ASAP2: variants seen among roughly 807,000 people sequenced by gnomAD.
The protein encoded by ASAP2 is arf-GAP with SH3 domain, ANK repeat and PH domain-containing protein 2.
ASAP2 carries 45 observed loss-of-function variants against 131.4 expected under a neutral mutation model. The observed-to-expected ratio is 0.34, with a 90% CI of 0.27 to 0.44. The LOEUF is 0.44. ASAP2 is among the 20% of genes least tolerant of loss of function. ASAP2 has a pLI of 1.00. For missense variants in ASAP2, 1,011 were observed against 1,297.0 expected (o/e 0.78, Z 3.39); for synonymous variants, 510 against 503.0 (o/e 1.01, Z -0.19).
intron 9 of ASAP2, among the ~76,000 whole-genome samples, chr2:9,342,227 C>G (rs545988024): frequency 3.3e-5 from 5 of 152,292 alleles, no homozygotes; most frequent in African/African-American, 1.2e-4. Context: ...AAAAGAAGAA[C>G]AAAGTTGGAG....
chr2:9,295,159 C>A (rs561209735), intron 2 of ASAP2, among the ~76,000 whole-genome samples: 40 of 152,268 alleles, frequency 2.6e-4, no homozygotes, highest in African/African-American at 5.1e-4. Flanking sequence ...AAATTAGATA[C>A]TTTTGTTTGA....
At chr2:9,326,102 C>T (rs988240413) in intron 6 of ASAP2, among the ~76,000 whole-genome samples, 1 of 152,206 alleles carries the variant, frequency 6.6e-6, no homozygotes, top group Non-Finnish European at 1.5e-5. Flanking sequence ...GTTAAAAGGC[C>T]GGGCAGGGTG....
chr2:9,281,638 G>A lies in ASAP2; in HGVS notation c.199+2249G>A, dbSNP rs564897159. ...GAAGTTCGTGGAAGTCAGTTCCAGA[G>A]CATGGGAGAGAGAAGGAAGGCCTCT... On this transcript the variant is annotated intron_variant, in intron 2 of 27. Transcript: ENST00000281419. This position sits in a 1 kb window ranked among gnomAD's most constrained non-coding sequence, Gnocchi z 4.0. Among the ~76,000 whole-genome samples the A allele has an allele frequency of 4.6e-5, 7 of 152,324 alleles. No homozygotes were observed. Among genetic ancestry groups the A allele is most frequent in the African/African-American group, 1.7e-4 (7 of 41,574 alleles).
intron 5 of ASAP2, among the ~76,000 whole-genome samples, chr2:9,322,027 T>C (rs1255867153): frequency 2.6e-5 from 4 of 152,228 alleles, no homozygotes; most frequent in Non-Finnish European, 5.9e-5. Flanking sequence ...ATGACCAGTG[T>C]CTGGACGGTC....
intron 16 of ASAP2, among the ~76,000 whole-genome samples, chr2:9,372,661 A>T (rs1262917574): frequency 6.6e-6 from 1 of 152,196 alleles, no homozygotes; most frequent in Non-Finnish European, 1.5e-5. Context: ...GGATAAAGAA[A>T]GATCATAAAA....
intron 1 of ASAP2, among the ~76,000 whole-genome samples, chr2:9,247,955 G>A (rs890222350): frequency 6.6e-6 from 1 of 152,162 alleles, no homozygotes; most frequent in Non-Finnish European, 1.5e-5. Flanking sequence ...GCATAATTAT[G>A]CTCCACTTAT....
At chr2:9,235,664 G>A (rs1235091436) in intron 1 of ASAP2, among the ~76,000 whole-genome samples, 1 of 152,164 alleles carries the variant, frequency 6.6e-6, no homozygotes, top group African/African-American at 2.4e-5. Context: ...TTCAGACCAC[G>A]TCTCGGGGCC....
At chr2:9,367,498 C>T (rs1455561589) in intron 15 of ASAP2, among the ~76,000 whole-genome samples, 2 of 152,174 alleles carry the variant, frequency 1.3e-5, no homozygotes, top group East Asian at 1.9e-4. Flanking sequence ...CAGCGGCTCA[C>T]GCCTGTAATC....
At chr2:9,347,900 C>T (rs1007704838) in intron 11 of ASAP2, among the ~76,000 whole-genome samples, 3 of 152,090 alleles carry the variant, frequency 2.0e-5, no homozygotes, top group Non-Finnish European at 4.4e-5. Context: ...CCTGACAAAT[C>T]GGGAAAAAAT....
chr2:9,354,181 A>G (rs755432456), intron 12 of ASAP2, among the ~76,000 whole-genome samples: 74 of 152,156 alleles, frequency 4.9e-4, no homozygotes, highest in Non-Finnish European at 9.6e-4. Flanking sequence ...AGGTGACCCA[A>G]GTGAGTCCCC....
intron 1 of ASAP2, among the ~76,000 whole-genome samples, chr2:9,214,536 G>T (rs75834907): frequency 2.0e-5 from 3 of 151,812 alleles, no homozygotes; most frequent in Non-Finnish European, 2.9e-5. Context: ...CGCTGCGCCC[G>T]GCTGCCTTTC....
intron 9 of ASAP2, 128 bp from the exon 10 acceptor site, chr2:9,344,404 G>C: frequency 1.4e-6 from 1 of 705,044 alleles, no homozygotes; most frequent in Middle Eastern, 2.5e-4. Context: ...TGTTGAGAAA[G>C]GGAAATTTCT....
At chr2:9,344,416 C>G in intron 9 of ASAP2, 116 bp from the exon 10 acceptor site, 1 of 793,378 alleles carries the variant, frequency 1.3e-6, no homozygotes, top group South Asian at 1.9e-5. Flanking sequence ...GAAATTTCTC[C>G]AATTTTTGTT....
intron 1 of ASAP2, among the ~76,000 whole-genome samples, chr2:9,239,502 G>A (rs1033978990): frequency 2.6e-5 from 4 of 152,110 alleles, no homozygotes; most frequent in African/African-American, 9.7e-5. Flanking sequence ...CTCTTCTGTA[G>A]CCTGAACTCA....
intron 24 of ASAP2, among the ~76,000 whole-genome samples, chr2:9,397,916 G>A (rs1235284352): frequency 2.6e-4 from 39 of 150,174 alleles, no homozygotes; most frequent in Non-Finnish European, 5.0e-4. Flanking sequence ...CCGCCACCAC[G>A]CCCGGCTAAT....
At chr2:9,228,243 T>A (rs934348205) in intron 1 of ASAP2, among the ~76,000 whole-genome samples, 1 of 152,224 alleles carries the variant, frequency 6.6e-6, no homozygotes, top group African/African-American at 2.4e-5. Context: ...AATCATCCTT[T>A]TGAGAGAATC....
chr2:9,254,527 A>ATTTT lies in ASAP2; in HGVS notation c.127-24767_127-24764dup, dbSNP rs546862626. Among the ~76,000 whole-genome samples the ATTTT allele has an allele frequency of 2.0e-3, 56 of 28,002 alleles. 11 individuals carry two copies. The highest frequency in any genetic ancestry group is 5.5e-3 in the African/African-American group (43 of 7,776). The allele number at this position is 28,002 out of a possible 152,430, so 18.4% of individuals were successfully genotyped here. ...ACCACTACCCCCAGCTAATTTTTGG[A>ATTTT]TTTTTTTTTTTTTTTTTTTTTTTTT... On this transcript the variant is annotated intron_variant, in intron 1 of 27. Coordinates refer to ENST00000281419, the MANE Select transcript of ASAP2 (RefSeq NM_003887.3).
At chr2:9,263,406 G>C (rs982337009) in intron 1 of ASAP2, among the ~76,000 whole-genome samples, 1 of 152,208 alleles carries the variant, frequency 6.6e-6, no homozygotes, top group Admixed American at 6.5e-5. Context: ...TGTTTGTGCT[G>C]CTGCTGTGCA....
intron 3 of ASAP2, among the ~76,000 whole-genome samples, chr2:9,303,471 A>G (rs1668626443): frequency 6.6e-6 from 1 of 152,224 alleles, no homozygotes; most frequent in African/African-American, 2.4e-5. Flanking sequence ...TTAGGAGTCC[A>G]TAGGCTTCGC....
Sources: gnomAD v4.1 joint callset for allele counts (sites outside exome capture counted in the v4.1 genomes callset) on GRCh38, gnomAD v4.1.1 for gene constraint, Gnocchi (gnomAD v3.1) non-coding constraint, MANE v1.5 for transcripts, NCBI Gene and HGNC (gene_info 2026-07-23, HGNC 2026-07-21) for gene names.